RASEF: variants seen among roughly 807,000 people sequenced by gnomAD.
The protein encoded by RASEF is ras and EF-hand domain-containing protein.
A neutral mutation model predicts 90.1 loss-of-function variants in RASEF; 68 were observed. That is an observed-to-expected ratio of 0.75 (90% CI 0.62 to 0.92). The LOEUF (loss-of-function observed/expected upper bound fraction) is 0.92, where lower values mean the gene tolerates loss of function less well. RASEF is among the 40% of genes least tolerant of loss of function. The probability of loss-of-function intolerance (pLI) is 0.00; values close to 1 mark genes in which losing one functional copy is unlikely to be tolerated. For missense variants in RASEF, 949 were observed against 937.2 expected, an observed-to-expected ratio of 1.01 and a Z score of -0.16; for synonymous variants, 331 against 345.2, an observed-to-expected ratio of 0.96 and a Z score of 0.46.
chr9:82,989,606 C>A (rs191202237), intron 16 of RASEF, among the ~76,000 whole-genome samples: 2 of 152,200 alleles, frequency 1.3e-5, no homozygotes, highest in South Asian at 2.1e-4. Context: ...AATTATCATA[C>A]TAAAATTAAG....
chr9:83,190,811 C>A, the RASEF span, among the ~76,000 whole-genome samples: 1 of 150,938 alleles, frequency 6.6e-6, no homozygotes, highest in African/African-American at 2.5e-5. Flanking sequence ...ACTCTAAAAT[C>A]CTCACCTGGT....
intron 12 of RASEF, among the ~76,000 whole-genome samples, chr9:82,999,608 CTT>C (rs764485968): frequency 1.2e-4 from 17 of 144,078 alleles, no homozygotes; most frequent in Non-Finnish European, 9.2e-5. Flanking sequence ...AGATATCTCT[CTT>C]TTTTTTTTTT....
Position 82,982,498 on chromosome 9 carries a change from G to A in RASEF, c.*179C>T, listed in dbSNP as rs190175241. ...CCAGAGGGCCCAAATCACTCACTGAGACAAAACAAAGAAGAGCCAAAGTTC... is the reference window on the plus strand; with the variant it reads ...CCAGAGGGCCCAAATCACTCACTGAAACAAAACAAAGAAGAGCCAAAGTTC... On this transcript the variant is annotated 3_prime_UTR_variant, in exon 17 of 17. Transcript: ENST00000376447. The A allele has an allele frequency of 5.6e-6, 3 of 537,766 alleles. No homozygotes were observed. The highest frequency in any genetic ancestry group is 1.0e-5 in the Non-Finnish European group (3 of 296,150). The allele number at this position is 537,766 out of a possible 1,614,324, so 33.3% of individuals were successfully genotyped here. A position where few individuals can be genotyped will look rare whatever the true frequency, so the allele number is the denominator to read the frequency against.
the RASEF span, among the ~76,000 whole-genome samples, chr9:83,170,300 C>A: frequency 6.6e-6 from 1 of 151,938 alleles, no homozygotes; most frequent in Non-Finnish European, 1.5e-5. Context: ...TGATTCTGTG[C>A]CAGTGCCATG....
the RASEF span, among the ~76,000 whole-genome samples, chr9:83,084,282 C>A: frequency 6.6e-6 from 1 of 152,108 alleles, no homozygotes; most frequent in African/African-American, 2.4e-5. Context: ...AGCACACTTT[C>A]TTACAGGTAG....
At chr9:83,078,964 G>A in the RASEF span, among the ~76,000 whole-genome samples, 35 of 152,268 alleles carry the variant, frequency 2.3e-4, no homozygotes, top group African/African-American at 6.7e-4. Context: ...TTTGTCAGAC[G>A]TATAGTTTGC....
chr9:82,985,419 G>T (rs547608706), intron 16 of RASEF, among the ~76,000 whole-genome samples: 2 of 152,162 alleles, frequency 1.3e-5, no homozygotes, highest in Non-Finnish European at 1.5e-5. Flanking sequence ...CCTCCCCCGG[G>T]GTCCTTCCCA....
At chr9:83,164,160 G>C in the RASEF span, among the ~76,000 whole-genome samples, 4 of 151,082 alleles carry the variant, frequency 2.6e-5, no homozygotes, top group Non-Finnish European at 5.9e-5. Context: ...AGAATAGAGA[G>C]AAGGAAAATT....
chr9:83,139,717 A>G, the RASEF span, among the ~76,000 whole-genome samples: 9 of 152,272 alleles, frequency 5.9e-5, no homozygotes, highest in African/African-American at 2.2e-4. Context: ...TGTGTTGTCC[A>G]AGGGTCAACT....
chr9:83,087,100 A>T, the RASEF span, among the ~76,000 whole-genome samples: 2 of 152,208 alleles, frequency 1.3e-5, no homozygotes, highest in Admixed American at 6.5e-5. Flanking sequence ...TTGAATACCC[A>T]ATAAGAAAGA....
upstream of RASEF, among the ~76,000 whole-genome samples, chr9:83,065,025 G>A (rs1830269897): frequency 3.3e-5 from 5 of 152,182 alleles, no homozygotes; most frequent in South Asian, 4.2e-4. Context: ...CCGAGATCGC[G>A]CCACTGCACT....
chr9:83,208,193 C>T, the RASEF span, among the ~76,000 whole-genome samples: 2 of 152,228 alleles, frequency 1.3e-5, no homozygotes, highest in African/African-American at 4.8e-5. Context: ...CACCCTTGGG[C>T]GTCCCTGCAG....
the RASEF span, among the ~76,000 whole-genome samples, chr9:83,106,805 C>T: frequency 2.0e-5 from 3 of 152,112 alleles, no homozygotes; most frequent in Non-Finnish European, 4.4e-5. Flanking sequence ...TAATTATCTG[C>T]TTTACTGTCA....
chr9:83,191,260 G>A, the RASEF span, among the ~76,000 whole-genome samples: 1 of 152,122 alleles, frequency 6.6e-6, no homozygotes, highest in Non-Finnish European at 1.5e-5. Context: ...TTCAATCACT[G>A]AGAAAACCAA....
the RASEF span, among the ~76,000 whole-genome samples, chr9:83,116,477 G>A: frequency 1.3e-5 from 2 of 151,112 alleles, no homozygotes; most frequent in African/African-American, 4.9e-5. Context: ...TAGGAGACAG[G>A]GTTATCTTTA....
the RASEF span, among the ~76,000 whole-genome samples, chr9:83,091,790 AGGG>A: frequency 6.6e-6 from 1 of 152,032 alleles, no homozygotes; most frequent in Admixed American, 6.6e-5. Flanking sequence ...GGGGTCTTCC[AGGG>A]AATTACCAGA....
chr9:83,001,353 TAACA>T (rs1227069438), intron 9 of RASEF, among the ~76,000 whole-genome samples: 3 of 152,064 alleles, frequency 2.0e-5, no homozygotes, highest in South Asian at 2.1e-4. Flanking sequence ...ATCAAACACT[TAACA>T]AACAAAGCCA....
At chr9:82,997,801 A>G (rs1385269461) in intron 13 of RASEF, among the ~76,000 whole-genome samples, 1 of 152,224 alleles carries the variant, frequency 6.6e-6, no homozygotes, top group Non-Finnish European at 1.5e-5. Context: ...ACTGAATCTC[A>G]GCATGCTGAA....
the RASEF span, among the ~76,000 whole-genome samples, chr9:83,081,451 A>C: frequency 6.6e-6 from 1 of 152,140 alleles, no homozygotes; most frequent in Non-Finnish European, 1.5e-5. Context: ...CTGGCCTGAA[A>C]AATAGTATAA....
Sources: gnomAD v4.1 joint callset for allele counts (sites outside exome capture counted in the v4.1 genomes callset) on GRCh38, gnomAD v4.1.1 for gene constraint, MANE v1.5 for transcripts, NCBI Gene and HGNC (gene_info 2026-07-23, HGNC 2026-07-21) for gene names.